Variants in ELK4 observed in about 807,000 individuals in gnomAD.
ELK4 encodes ETS transcription factor ELK4.
ELK4 carries 16 observed loss-of-function variants against 29.6 expected under a neutral mutation model. The ratio of observed to expected loss-of-function variants is 0.54; its 90% CI spans 0.37 to 0.82. The LOEUF (loss-of-function observed/expected upper bound fraction) is 0.82. Ranked by LOEUF, ELK4 falls within the 40% of genes least tolerant of loss-of-function variation. ELK4 has a pLI of 0.00. For synonymous variants in ELK4, 213 were observed against 191.1 expected (o/e 1.11, Z -0.95); for missense variants, 465 against 507.1 (o/e 0.92, Z 0.80).
intron 2 of ELK4, among the ~76,000 whole-genome samples, chr1:205,621,560 C>T (rs1416321534): frequency 6.6e-6 from 1 of 152,064 alleles, no homozygotes; most frequent in African/African-American, 2.4e-5. Flanking sequence ...CACTCTGTCA[C>T]CCAGGCTGGA....
At chr1:205,616,799 A>G (rs1033145185) in intron 4 of ELK4, among the ~76,000 whole-genome samples, 155 bp from the exon 5 acceptor site, 1 of 152,260 alleles carries the variant, frequency 6.6e-6, no homozygotes, top group African/African-American at 2.4e-5. Context: ...ATATGATGTC[A>G]TAACAAAAAC....
rs1177891516 is a variant in ELK4 at position 205,612,030 on chromosome 1, C to T, written c.*4516G>A. The stretch of plus-strand genomic sequence containing the variant: ...TTGTTGGTAAAATATAACATAAGTC[C>T]CAAAGAAGTCTGTGAGCAGACTAGT... On this transcript the variant is annotated 3_prime_UTR_variant, in exon 5 of 5. Transcript: ENST00000357992. 1 of 189,156 alleles carries T rather than the reference C, an allele frequency of 5.3e-6. No homozygotes were observed. Among genetic ancestry groups the T allele is most frequent in the Non-Finnish European group, 1.1e-5 (1 of 90,136 alleles). The allele number at this position is 189,156 out of a possible 1,614,324, so 11.7% of individuals were successfully genotyped here.
chr1:205,612,978 C>CT lies in ELK4; in HGVS notation c.*3567dup, dbSNP rs749705161. 1.9e-5 allele frequency: 4 copies of CT among 205,482 alleles called. No individual in the cohort carries two copies. Among genetic ancestry groups the CT allele is most frequent in the Non-Finnish European group, 9.9e-6 (1 of 101,250 alleles). 12.7% of individuals were successfully genotyped at this position (205,482 alleles called of 1,614,324 possible). The stretch of plus-strand genomic sequence containing the variant: ...AAAAAATTAAACTCATATTTTAACT[C>CT]TAAGAAGCTTACGGTTGACCTTTCA... On this transcript the variant is annotated 3_prime_UTR_variant, in exon 5 of 5. Coordinates refer to ENST00000357992, the MANE Select transcript of ELK4 (RefSeq NM_001973.4).
intron 4 of ELK4, among the ~76,000 whole-genome samples, chr1:205,618,457 A>C (rs1191133348): frequency 1.3e-5 from 2 of 152,168 alleles, no homozygotes; most frequent in East Asian, 3.8e-4. Context: ...ATGAAAATGA[A>C]ACTTTGCTAT....
chr1:205,627,410 G>A (rs1670486941), intron 1 of ELK4, among the ~76,000 whole-genome samples: 1 of 152,082 alleles, frequency 6.6e-6, no homozygotes, highest in African/African-American at 2.4e-5. Context: ...TCAGGAGGCT[G>A]AGGGAGGAGA....
In ELK4 at chr1:205,609,344, TGACTG is replaced by T. The variant is rs1196563635; in HGVS notation, c.*7197_*7201del. On this transcript the variant is annotated 3_prime_UTR_variant, in exon 5 of 5. Coordinates refer to ENST00000357992, the MANE Select transcript of ELK4 (RefSeq NM_001973.4). ...AAACTAAAGCTAACCAGTAGCAAAA[TGACTG>T]GACTGAATTTCATATTTAATCTTCC... The T allele has an allele frequency of 3.7e-5, 7 of 190,778 alleles. No homozygotes were observed. In the Admixed American group the frequency reaches 4.3e-4, roughly 12 times the overall value. The allele number at this position is 190,778 out of a possible 1,614,324, so 11.8% of individuals were successfully genotyped here.
intron 1 of ELK4, among the ~76,000 whole-genome samples, chr1:205,628,264 T>C (rs1367954324): frequency 6.6e-6 from 1 of 152,218 alleles, no homozygotes; most frequent in Non-Finnish European, 1.5e-5. Context: ...CAGGCCTTTC[T>C]TCTGATGATG....
intron 3 of ELK4, chr1:205,619,561 C>G (rs1446871288): frequency 1.7e-6 from 2 of 1,163,564 alleles, no homozygotes; most frequent in Admixed American, 4.4e-5. Context: ...GTAACTGTAC[C>G]AACTTGTTAC....
At chr1:205,617,081 G>C (rs1488642913) in intron 4 of ELK4, among the ~76,000 whole-genome samples, 1 of 152,180 alleles carries the variant, frequency 6.6e-6, no homozygotes, top group Non-Finnish European at 1.5e-5. Flanking sequence ...TCCCCATCAA[G>C]TATTCTGAGG....
rs1037141752 is a variant in ELK4, at chr1:205,630,622, G to C, written c.-10+1010C>G. 2.0e-5 allele frequency among the ~76,000 whole-genome samples: 3 copies of C among 152,180 alleles called. No individual in the cohort carries two copies. The South Asian group carries it at 6.2e-4, about 32-fold the overall frequency. On this transcript the variant is annotated intron_variant, in intron 1 of 4. Transcript: ENST00000357992. ...CACAGGCTCCTAAAAAATACTCTTT[G>C]TATAGGATCCTGCACAGTTCTTACA...
chr1:205,622,424 A>G (rs1323790124), intron 2 of ELK4, among the ~76,000 whole-genome samples: 1 of 152,178 alleles, frequency 6.6e-6, no homozygotes, highest in Non-Finnish European at 1.5e-5. Flanking sequence ...TCTCCCCAAC[A>G]AGACAGGGTT....
rs757529202 is a variant in ELK4 at position 205,619,067 on chromosome 1, T to G, written c.1087A>C (p.Ile363Leu). 1 of 1,589,280 alleles carries G rather than the reference T, an allele frequency of 6.3e-7. No individual in the cohort carries two copies. Among genetic ancestry groups the G allele is most frequent in the African/African-American group, 1.4e-5 (1 of 73,558 alleles). The change falls in exon 4 of 5, where the codon ATC becomes CTC. Residue 363 changes from isoleucine to leucine, a missense_variant. Physicochemically the swap from Ile to Leu is conservative, Grantham distance 5. This residue lies in a region of ELK4 where 80 missense variants were observed against 119.6 expected (regional missense o/e 0.67). Coordinates refer to ENST00000357992, the MANE Select transcript of ELK4 (RefSeq NM_001973.4). ...AGCAAGGGGCTTGGAGTCAGTATGA[T>G]GGGTGTCTGCAATACACAAAGCAAA... ...LTPAFFSQTP[I>L]ILTPSPLLSS...
In ELK4 at chr1:205,615,208, T is replaced by C. The variant is rs1670212299; in HGVS notation, c.*1338A>G. ...GAGATCAAGACCATCCTGGCCAACATGGTGAAACCCCGTCTCTACTAAAAA... is the reference window on the plus strand; with the variant it reads ...GAGATCAAGACCATCCTGGCCAACACGGTGAAACCCCGTCTCTACTAAAAA... On this transcript the variant is annotated 3_prime_UTR_variant, in exon 5 of 5. Coordinates refer to ENST00000357992, the MANE Select transcript of ELK4 (RefSeq NM_001973.4). 1.8e-5 allele frequency: 3 copies of C among 169,214 alleles called. No individual in the cohort carries two copies. Among genetic ancestry groups the C allele is most frequent in the Admixed American group, 6.4e-5 (1 of 15,584 alleles). 10.5% of individuals were successfully genotyped at this position (169,214 alleles called of 1,614,324 possible). A position where few individuals can be genotyped will look rare whatever the true frequency, so the allele number is the denominator to read the frequency against.
At chr1:205,619,494 T>C in intron 3 of ELK4, 1 of 1,080,270 alleles carries the variant, frequency 9.3e-7, no homozygotes, top group Non-Finnish European at 1.1e-6. Context: ...AATAATGAGG[T>C]GTGTGAAAAA....
Position 205,620,398 on chromosome 1 carries a change from T to C in ELK4, c.648A>G (p.Pro216=). Residue 216 remains proline (P), a synonymous_variant, in exon 3 of 5, where the codon CCA becomes CCG. Coordinates refer to ENST00000357992, the MANE Select transcript of ELK4 (RefSeq NM_001973.4). The part of the protein sequence containing the change: ...ATISIGPSIS[P]SSEETIQALE... ...AAGCTTGGATAGTTTCTTCTGAAGA[T>C]GGAGAAATACTTGGGCCAATTGAAA... is the stretch of plus-strand genomic sequence containing the variant. 1 of 1,614,184 alleles carries C rather than the reference T, an allele frequency of 6.2e-7. No homozygotes were observed. Among genetic ancestry groups the C allele is most frequent in the African/African-American group, 1.3e-5 (1 of 75,048 alleles).
In ELK4 at chr1:205,613,988, T is replaced by C. The variant is rs1670192281; in HGVS notation, c.*2558A>G. 1 of 223,636 alleles carries C rather than the reference T, an allele frequency of 4.5e-6. No individual in the cohort carries two copies. Among genetic ancestry groups the C allele is most frequent in the Non-Finnish European group, 8.9e-6 (1 of 112,096 alleles). 13.9% of individuals were successfully genotyped at this position (223,636 alleles called of 1,614,324 possible). On this transcript the variant is annotated 3_prime_UTR_variant, in exon 5 of 5. Coordinates refer to ENST00000357992, the MANE Select transcript of ELK4 (RefSeq NM_001973.4). The stretch of plus-strand genomic sequence containing the variant: ...AGCTGAGACTTTTCCAGGAAGGAGG[T>C]AGTCTATAAACAGAACTGTCTGCCT...
Position 205,612,958 on chromosome 1 carries a change from A to C in ELK4, c.*3588T>G, listed in dbSNP as rs1180238702. 3 of 207,976 alleles carry C rather than the reference A, an allele frequency of 1.4e-5. No individual in the cohort carries two copies. The highest frequency in any genetic ancestry group is 2.9e-5 in the Non-Finnish European group (3 of 102,132). The allele number at this position is 207,976 out of a possible 1,614,324, so 12.9% of individuals were successfully genotyped here. On this transcript the variant is annotated 3_prime_UTR_variant, in exon 5 of 5. Coordinates refer to ENST00000357992, the MANE Select transcript of ELK4 (RefSeq NM_001973.4). Reference sequence around the variant, plus strand: ...TTCAACTGTCAAAATGTGGGAAAAAATTAAACTCATATTTTAACTCTAAGA... The same window carrying C: ...TTCAACTGTCAAAATGTGGGAAAAACTTAAACTCATATTTTAACTCTAAGA...
chr1:205,610,399 C>T lies in ELK4; in HGVS notation c.*6147G>A, dbSNP rs1224430498. On this transcript the variant is annotated 3_prime_UTR_variant, in exon 5 of 5. Transcript: ENST00000357992. ...CATTCCTCCACTACTGTATTCAATC[C>T]ATGGTCGAATCTCTGTACTTTAGAA... 2 of 230,848 alleles carry T rather than the reference C, an allele frequency of 8.7e-6. No individual in the cohort carries two copies. The highest frequency in any genetic ancestry group is 1.2e-4 in the East Asian group (2 of 16,222). The allele number at this position is 230,848 out of a possible 1,614,324, so 14.3% of individuals were successfully genotyped here. A position where few individuals can be genotyped will look rare whatever the true frequency, so the allele number is the denominator to read the frequency against.
rs781292071 is a variant in ELK4, at chr1:205,620,313, C to T, written c.733G>A (p.Val245Ile). The T allele has an allele frequency of 6.8e-6, 11 of 1,614,156 alleles. No homozygotes were observed. Among genetic ancestry groups the T allele is most frequent in the East Asian group, 4.5e-5 (2 of 44,886 alleles). ...SLEAPTSASN[V>I]MTAFATTPPI... ...GGTGTGGTGGCAAAAGCAGTCATTA[C>T]GTTAGAGGCAGAGGTTGGGGCTTCC... The change falls in exon 3 of 5, where the codon GTA becomes ATA. Residue 245 changes from valine to isoleucine, a missense_variant. This residue lies in a region of ELK4 where 385 missense variants were observed against 387.5 expected (regional missense o/e 0.99). Transcript: ENST00000357992.
Sources: allele counts gnomAD v4.1 joint callset (sites outside exome capture counted in the v4.1 genomes callset), GRCh38; gene constraint gnomAD v4.1.1; regional missense constraint gnomAD v4.1.1; transcripts MANE v1.5; gene names NCBI Gene and HGNC (gene_info 2026-07-23, HGNC 2026-07-21).